CLIP1: variants seen among roughly 807,000 people sequenced by gnomAD.
CLIP1 encodes CAP-Gly domain-containing linker protein 1.
CLIP1 carries 66 observed loss-of-function variants against 161.6 expected under a neutral mutation model. The observed-to-expected ratio is 0.41, with a 90% confidence interval of 0.33 to 0.50. CLIP1 has a LOEUF of 0.50. Ranked by LOEUF, CLIP1 falls within the 20% of genes least tolerant of loss-of-function variation. The probability of loss-of-function intolerance (pLI) is 0.27; values close to 1 mark genes in which losing one functional copy is unlikely to be tolerated. For missense variants in CLIP1, 1,376 were observed against 1,702.0 expected (o/e 0.81, Z 3.37); for synonymous variants, 598 against 626.2 (o/e 0.96, Z 0.67).
At chr12:122,366,407 G>A (rs1954172981) in intron 3 of CLIP1, among the ~76,000 whole-genome samples, 1 of 152,128 alleles carries the variant, frequency 6.6e-6, no homozygotes, top group Non-Finnish European at 1.5e-5. Flanking sequence ...GATCGCTGGA[G>A]TCCCCAAGGC....
chr12:122,344,685 A>G (rs1426550996), intron 10 of CLIP1, among the ~76,000 whole-genome samples: 1 of 152,214 alleles, frequency 6.6e-6, no homozygotes, highest in Non-Finnish European at 1.5e-5. Context: ...ACTATGTGGT[A>G]TGTCTGCTTC....
intron 8 of CLIP1, 54 bp from the exon 9 acceptor site, chr12:122,351,197 A>G: frequency 8.8e-7 from 1 of 1,141,234 alleles, no homozygotes; most frequent in Non-Finnish European, 1.2e-6. Flanking sequence ...AGATTCCAAT[A>G]AAGCTTCAAT....
At chr12:122,377,055 G>A (rs1954773334) in intron 3 of CLIP1, among the ~76,000 whole-genome samples, 1 of 151,010 alleles carries the variant, frequency 6.6e-6, no homozygotes, top group African/African-American at 2.4e-5. Flanking sequence ...TCTCGCCCAG[G>A]CTGGAGTGTA....
At chr12:122,337,631 A>G (rs1952292599) in intron 11 of CLIP1, among the ~76,000 whole-genome samples, 1 of 152,070 alleles carries the variant, frequency 6.6e-6, no homozygotes, top group Non-Finnish European at 1.5e-5. Flanking sequence ...TCTATACTTC[A>G]TTGTAACTTG....
intron 24 of CLIP1, chr12:122,277,932 T>C (rs1955497267): frequency 1.9e-6 from 1 of 521,310 alleles, no homozygotes; most frequent in Non-Finnish European, 3.4e-6. Flanking sequence ...AGTAATTAAC[T>C]GTTTGCAGGG....
chr12:122,316,735 G>T lies in CLIP1; in HGVS notation c.3473+14C>A. 1.4e-6 allele frequency: 2 copies of T among 1,405,792 alleles called. No individual in the cohort carries two copies. Among genetic ancestry groups the T allele is most frequent in the Non-Finnish European group, 2.0e-6 (2 of 1,023,762 alleles). 87.1% of individuals were successfully genotyped at this position (1,405,792 alleles called of 1,614,324 possible). Reference sequence around the variant, plus strand: ...ATAAATTCCATATTTTTTTCTCAAAGGATAGAAACTTACATTTCTTTCCTA... The same window carrying T: ...ATAAATTCCATATTTTTTTCTCAAATGATAGAAACTTACATTTCTTTCCTA... On this transcript the variant is annotated intron_variant, in intron 19 of 25. Transcript: ENST00000620786.
chr12:122,366,615 C>T (rs1293395633), intron 3 of CLIP1, among the ~76,000 whole-genome samples: 1 of 152,134 alleles, frequency 6.6e-6, no homozygotes, highest in Non-Finnish European at 1.5e-5. Context: ...CCAAGGCAGG[C>T]GGATCACTTG....
At chr12:122,392,305 T>C (rs1220876116) in intron 1 of CLIP1, among the ~76,000 whole-genome samples, 6 of 152,176 alleles carry the variant, frequency 3.9e-5, no homozygotes. Flanking sequence ...AAATCTGAGG[T>C]TGGGTATACA....
intron 1 of CLIP1, among the ~76,000 whole-genome samples, chr12:122,381,774 C>T (rs933588246): frequency 4.6e-5 from 7 of 152,178 alleles, no homozygotes; most frequent in African/African-American, 1.4e-4. Context: ...CCCACTCCAG[C>T]GGATGGAACA....
chr12:122,361,191 A>G lies in CLIP1; in HGVS notation c.783-10T>C. The G allele has an allele frequency of 1.3e-6, 2 of 1,577,174 alleles. No homozygotes were observed. Among genetic ancestry groups the G allele is most frequent in the Non-Finnish European group, 1.7e-6 (2 of 1,153,402 alleles). On this transcript the variant is annotated splice_polypyrimidine_tract_variant and intron_variant, in intron 4 of 25. Transcript: ENST00000620786. ...TTGACACTGAAAATACCTTTAGAGAACAATAAGAACAATAACAAAAAACAA... is the reference window on the plus strand; with the variant it reads ...TTGACACTGAAAATACCTTTAGAGAGCAATAAGAACAATAACAAAAAACAA...
At chr12:122,388,532 A>C (rs1218313906) in intron 1 of CLIP1, among the ~76,000 whole-genome samples, 1 of 151,870 alleles carries the variant, frequency 6.6e-6, no homozygotes, top group Non-Finnish European at 1.5e-5. Flanking sequence ...TCTGTATTTT[A>C]ACAAGCCTTC....
At chr12:122,364,801 AGAG>A (rs1954045728) in intron 3 of CLIP1, 2 of 1,051,384 alleles carry the variant, frequency 1.9e-6, no homozygotes, top group South Asian at 2.5e-5. Flanking sequence ...ACAAAGCGAA[AGAG>A]GAGAGGCACC....
At position 122,357,470 on chromosome 12, in the gene CLIP1, G is replaced by A. The variant is rs572748521; in HGVS notation, c.1006-2158C>T. Among the ~76,000 whole-genome samples the A allele has an allele frequency of 5.1e-3, 763 of 149,676 alleles. 12 individuals are homozygous for A. Among genetic ancestry groups the A allele is most frequent in the African/African-American group, 0.017 (676 of 40,644 alleles). On this transcript the variant is annotated intron_variant, in intron 5 of 25. Coordinates refer to ENST00000620786, the MANE Select transcript of CLIP1 (RefSeq NM_001247997.2). Reference sequence around the variant, plus strand: ...CCACCCCGTCTGGGAAGTGAGGAGCGTCTCCGCCCGGCAGCCACCCCATCC... The same window carrying A: ...CCACCCCGTCTGGGAAGTGAGGAGCATCTCCGCCCGGCAGCCACCCCATCC...
intron 19 of CLIP1, among the ~76,000 whole-genome samples, chr12:122,312,877 T>A (rs967181524): frequency 6.6e-6 from 1 of 152,156 alleles, no homozygotes; most frequent in Non-Finnish European, 1.5e-5. Context: ...CAAAACCCCA[T>A]ACACGTTAAA....
intron 24 of CLIP1, chr12:122,275,638 ACACG>A (rs1353646565): frequency 1.1e-5 from 1 of 94,016 alleles, no homozygotes. Context: ...ACACACACAC[ACACG>A]CGCACACACA....
At position 122,390,257 on chromosome 12, in the gene CLIP1, TATACACACAC is replaced by T. The variant is rs1454808668; in HGVS notation, c.-106-9709_-106-9700del. Among the ~76,000 whole-genome samples, 3 of 99,006 alleles carry T rather than the reference TATACACACAC, an allele frequency of 3.0e-5. No individual in the cohort carries two copies. In the East Asian group the frequency reaches 1.4e-3, roughly 48 times the overall value. 65.0% of individuals were successfully genotyped at this position (99,006 alleles called of 152,430 possible). A position where few individuals can be genotyped will look rare whatever the true frequency, so the allele number is the denominator to read the frequency against. ...ATACACACACATATATATACACATA[TATACACACAC>T]ATATATATATACATATATATATATA... is the stretch of plus-strand genomic sequence containing the variant. On this transcript the variant is annotated intron_variant, in intron 1 of 25. Transcript: ENST00000620786.
At chr12:122,300,156 A>G (rs1950626763) in intron 20 of CLIP1, among the ~76,000 whole-genome samples, 1 of 152,036 alleles carries the variant, frequency 6.6e-6, no homozygotes, top group Non-Finnish European at 1.5e-5. Flanking sequence ...TGTGGTCCCA[A>G]CTACCTGGGA....
rs146491055 is a variant in CLIP1, at chr12:122,313,402, A to C, written c.3473+3347T>G. Among the ~76,000 whole-genome samples the C allele has an allele frequency of 8.5e-5, 13 of 152,188 alleles. 1 individual carries two copies. The East Asian group carries it at 2.5e-3, about 29-fold the overall frequency. On this transcript the variant is annotated intron_variant, in intron 19 of 25. Transcript: ENST00000620786. ...CAGCTAAGCTTTTATTAGTCAACGGAATAATTCGAAGGAGGGGGTCACAAA... is the reference window on the plus strand; with the variant it reads ...CAGCTAAGCTTTTATTAGTCAACGGCATAATTCGAAGGAGGGGGTCACAAA...
chr12:122,365,389 C>T, intron 3 of CLIP1: 1 of 844,250 alleles, frequency 1.2e-6, no homozygotes, highest in Non-Finnish European at 2.0e-6. Flanking sequence ...TGTAAACAAA[C>T]AAGGGCAAGA....
Sources: gnomAD v4.1 joint callset for allele counts (sites outside exome capture counted in the v4.1 genomes callset) on GRCh38, gnomAD v4.1.1 for gene constraint, MANE v1.5 for transcripts, NCBI Gene and HGNC (gene_info 2026-07-23, HGNC 2026-07-21) for gene names.